The following MCUR1 variants were observed in gnomAD, a reference collection of about 807,000 sequenced individuals.
MCUR1 encodes the protein mitochondrial calcium uniporter regulator 1.
A neutral mutation model predicts 42.0 loss-of-function variants in MCUR1; 37 were observed. The ratio of observed to expected loss-of-function variants is 0.88; its 90% CI spans 0.68 to 1.16. The LOEUF (loss-of-function observed/expected upper bound fraction) is 1.16, where lower values mean the gene tolerates loss of function less well. Ranked by LOEUF, MCUR1 falls within the 50% of genes most tolerant of loss-of-function variation. The pLI is 0.00. For missense variants in MCUR1, 469 were observed against 468.4 expected (o/e 1.00, Z -0.01); for synonymous variants, 229 against 196.2 (o/e 1.17, Z -1.40).
At chr6:13,802,849 T>C (rs1429530213) in intron 2 of MCUR1, among the ~76,000 whole-genome samples, 1 of 152,234 alleles carries the variant, frequency 6.6e-6, no homozygotes, top group Non-Finnish European at 1.5e-5. Context: ...CTCAGTTGTT[T>C]TATGTCCAGC....
At chr6:13,800,836 T>C (rs1356830442) in intron 4 of MCUR1, among the ~76,000 whole-genome samples, 2 of 152,202 alleles carry the variant, frequency 1.3e-5, no homozygotes, top group Non-Finnish European at 2.9e-5. Context: ...ACAGCACTTA[T>C]TTAAATGCTG....
In MCUR1 at chr6:13,814,511, C is replaced by T. The variant is rs1760333696; in HGVS notation, c.-82G>A. On this transcript the variant is annotated 5_prime_UTR_variant, in exon 1 of 9. Transcript: ENST00000379170. ...CCACGCGCGGTCCAGGCCCAGAGTC[C>T]GACAGCGGGAGCGAGCGTGGGCCAC... The T allele has an allele frequency of 7.5e-7, 1 of 1,329,732 alleles. No homozygotes were observed. 82.4% of individuals were successfully genotyped at this position (1,329,732 alleles called of 1,614,324 possible). A position where few individuals can be genotyped will look rare whatever the true frequency, so the allele number is the denominator to read the frequency against.
At chr6:13,809,627 T>C (rs1760187640) in intron 1 of MCUR1, among the ~76,000 whole-genome samples, 2 of 151,566 alleles carry the variant, frequency 1.3e-5, no homozygotes, top group South Asian at 4.2e-4. Context: ...GGTGAACTAG[T>C]TCATGGTTGT....
rs952927864 is a variant in MCUR1 at position 13,814,383 on chromosome 6, C to A, written c.47G>T (p.Gly16Val). Reference sequence around the variant, plus strand: ...GGGCAAGAAGAGAAGCCGCTGGCGGCCGGGCAGGCGCTGGGTCCTCTGGCC... The same window carrying A: ...GGGCAAGAAGAGAAGCCGCTGGCGGACGGGCAGGCGCTGGGTCCTCTGGCC... ...VGGQRTQRLP[G>V]RQRLLFLPVG... The change falls in exon 1 of 9, where the codon GGC becomes GTC. Residue 16 changes from glycine (G) to valine (V), a missense_variant. Transcript: ENST00000379170. 2.6e-6 allele frequency: 4 copies of A among 1,532,724 alleles called. No homozygotes were observed. The highest frequency in any genetic ancestry group is 1.9e-5 in the Admixed American group (1 of 51,584). 94.9% of individuals were successfully genotyped at this position (1,532,724 alleles called of 1,614,324 possible).
intron 3 of MCUR1, 106 bp downstream of exon 3, chr6:13,802,137 T>C (rs1760004018): frequency 6.6e-6 from 5 of 758,980 alleles, no homozygotes; most frequent in Non-Finnish European, 1.1e-5. Context: ...AAAGTTACTA[T>C]ATACTTTTCA....
chr6:13,798,939 C>T (rs1195296702), intron 5 of MCUR1, 35 bp from the exon 6 acceptor site: 1 of 1,328,498 alleles, frequency 7.5e-7, no homozygotes, highest in Admixed American at 1.7e-5. Context: ...AAGGAAAAAT[C>T]CAAAGTAAGA....
intron 2 of MCUR1, among the ~76,000 whole-genome samples, chr6:13,805,223 T>C (rs1250393928): frequency 2.6e-5 from 4 of 151,438 alleles, no homozygotes; most frequent in Non-Finnish European, 5.9e-5. Flanking sequence ...AACTCCTGGG[T>C]TCAAGCCATC....
At chr6:13,800,544 C>T (rs984457422) in intron 4 of MCUR1, among the ~76,000 whole-genome samples, 162 bp from the exon 5 acceptor site, 1 of 152,204 alleles carries the variant, frequency 6.6e-6, no homozygotes. Context: ...ATCTTGAAAT[C>T]AGTTTGAATT....
intron 1 of MCUR1, among the ~76,000 whole-genome samples, chr6:13,810,638 G>T (rs1760212162): frequency 6.6e-6 from 1 of 152,134 alleles, no homozygotes; most frequent in South Asian, 2.1e-4. Flanking sequence ...CAAAAAAATG[G>T]ACTGAACCCT....
intron 1 of MCUR1, among the ~76,000 whole-genome samples, chr6:13,807,772 T>C (rs1760144122): frequency 6.6e-6 from 1 of 152,188 alleles, no homozygotes; most frequent in Non-Finnish European, 1.5e-5. Flanking sequence ...TTTCTCCACA[T>C]CCTCACCAAC....
intron 2 of MCUR1, among the ~76,000 whole-genome samples, chr6:13,806,265 G>GA (rs897985129): frequency 9.9e-5 from 15 of 151,348 alleles, no homozygotes; most frequent in African/African-American, 3.6e-4. Context: ...AAAAAAGAAA[G>GA]AAAAAGAAAA....
chr6:13,802,453 A>C, intron 2 of MCUR1, 107 bp from the exon 3 acceptor site: 1 of 816,644 alleles, frequency 1.2e-6, no homozygotes, highest in East Asian at 2.6e-5. Flanking sequence ...AGTACAGCAC[A>C]GTGTGGTAGG....
chr6:13,798,965 A>C, intron 5 of MCUR1, 61 bp from the exon 6 acceptor site: 1 of 1,003,970 alleles, frequency 1.0e-6, no homozygotes, highest in East Asian at 2.4e-5. Flanking sequence ...AAACTCTATG[A>C]GGACGTGACA....
At chr6:13,811,433 C>A (rs940622908) in intron 1 of MCUR1, among the ~76,000 whole-genome samples, 1 of 152,098 alleles carries the variant, frequency 6.6e-6, no homozygotes, top group African/African-American at 2.4e-5. Flanking sequence ...TTCCTTTCTC[C>A]TCAGTTCTTC....
At chr6:13,804,322 CAAAAAAAAAAAAAAA>C (rs747622585) in intron 2 of MCUR1, 18 of 21,080 alleles carry the variant, frequency 8.5e-4, no homozygotes, top group Non-Finnish European at 7.5e-4. Flanking sequence ...GATTCTGTCT[CAAAAAAAAAAAAAAA>C]AAAAAAAAAA....
Position 13,802,272 on chromosome 6 carries a change from A to C in MCUR1, c.610T>G (p.Tyr204Asp). ...TGCATCTTGGTGACCATATCTTTGT[A>C]GACGATGTCCATGTTGGCCTCCAGG... Reference protein sequence around the residue: ...KILEANMDIVYKDMVTKMQQE... With the variant: ...KILEANMDIVDKDMVTKMQQE... Residue 204 changes from tyrosine to aspartate, a missense_variant, in exon 3 of 9, where the codon TAC (tyrosine) becomes GAC (aspartate). Coordinates refer to ENST00000379170, the MANE Select transcript of MCUR1 (RefSeq NM_001031713.4). The C allele has an allele frequency of 6.2e-7, 1 of 1,613,970 alleles. No individual in the cohort carries two copies. Among genetic ancestry groups the C allele is most frequent in the Non-Finnish European group, 8.5e-7 (1 of 1,179,874 alleles).
chr6:13,795,016 A>G (rs1759823868), intron 6 of MCUR1, among the ~76,000 whole-genome samples: 1 of 152,100 alleles, frequency 6.6e-6, no homozygotes, highest in South Asian at 2.1e-4. Flanking sequence ...ACGACTTTTA[A>G]GAACTACATT....
intron 1 of MCUR1, among the ~76,000 whole-genome samples, chr6:13,812,798 G>T (rs917149388): frequency 6.6e-6 from 1 of 152,208 alleles, no homozygotes; most frequent in East Asian, 1.9e-4. Flanking sequence ...TGTATAGACT[G>T]CCCAAAGTGA....
chr6:13,803,323 C>T (rs137987256), intron 2 of MCUR1, among the ~76,000 whole-genome samples: 7 of 152,302 alleles, frequency 4.6e-5, no homozygotes, highest in South Asian at 2.1e-4. Context: ...GGCCTCCCAA[C>T]GTGCTGGGAT....
Sources: allele counts gnomAD v4.1 joint callset (sites outside exome capture counted in the v4.1 genomes callset), GRCh38; gene constraint gnomAD v4.1.1; transcripts MANE v1.5; gene names NCBI Gene and HGNC (gene_info 2026-07-23, HGNC 2026-07-21).